The following STIM1 variants were observed in gnomAD, a reference collection of about 807,000 sequenced individuals.
STIM1 encodes stromal interaction molecule 1.
A neutral mutation model predicts 74.7 loss-of-function variants in STIM1; 25 were observed. The observed-to-expected ratio is 0.33, with a 90% CI of 0.24 to 0.47. The LOEUF (loss-of-function observed/expected upper bound fraction) is 0.47, where lower values mean the gene tolerates loss of function less well. Ranked by LOEUF, STIM1 falls within the 20% of genes least tolerant of loss-of-function variation. The pLI, the probability that STIM1 is intolerant of heterozygous loss-of-function variation, is 1.00. For missense variants in STIM1, 728 were observed against 920.8 expected (o/e 0.79, Z 2.71); for synonymous variants, 328 against 348.8 (o/e 0.94, Z 0.66).
chr11:3,861,252 G>A (rs987407616), intron 1 of STIM1, among the ~76,000 whole-genome samples: 1 of 107,138 alleles, frequency 9.3e-6, no homozygotes, highest in East Asian at 2.8e-4. Context: ...TTTTTTTTTT[G>A]AGATGGAGTC....
chr11:4,001,173 T>C (rs940844802), intron 2 of STIM1, among the ~76,000 whole-genome samples: 2 of 152,104 alleles, frequency 1.3e-5, no homozygotes, highest in Admixed American at 1.3e-4. Context: ...CAGGATATTA[T>C]CCAGGAGAAC....
intron 4 of STIM1, among the ~76,000 whole-genome samples, chr11:4,057,179 A>G (rs147234821): frequency 3.6e-3 from 543 of 152,324 alleles, no homozygotes; most frequent in Middle Eastern, 0.024. Context: ...CTTGCTACCC[A>G]TAGAAATAGC....
intron 8 of STIM1, 103 bp from the exon 9 acceptor site, chr11:4,082,779 G>C: frequency 1.1e-6 from 1 of 898,258 alleles, no homozygotes; most frequent in Non-Finnish European, 1.8e-6. Flanking sequence ...TACAGCCTCA[G>C]TTGTGCTAGG....
At chr11:3,895,995 C>T (rs1161845402) in intron 1 of STIM1, among the ~76,000 whole-genome samples, 1 of 150,852 alleles carries the variant, frequency 6.6e-6, no homozygotes, top group Non-Finnish European at 1.5e-5. Flanking sequence ...AGCTCCGCCT[C>T]CCGGGTTCAC....
chr11:3,900,049 A>T (rs1428581530), intron 1 of STIM1, among the ~76,000 whole-genome samples: 6 of 151,958 alleles, frequency 3.9e-5, no homozygotes, highest in Admixed American at 3.3e-4. Flanking sequence ...GTTAGGGAGG[A>T]TTCCCTCTTT....
chr11:4,073,048 G>GTTTT (rs56009858), intron 6 of STIM1, among the ~76,000 whole-genome samples: 8,618 of 82,670 alleles, frequency 0.1, 982 homozygotes, highest in East Asian at 0.23. Context: ...GGACTTAGAG[G>GTTTT]TTTTTTTTTT....
At chr11:3,996,286 C>G (rs2093662531) in intron 2 of STIM1, among the ~76,000 whole-genome samples, 1 of 152,116 alleles carries the variant, frequency 6.6e-6, no homozygotes, top group Admixed American at 6.5e-5. Context: ...TGGCAGTAGC[C>G]TCAGGTCTTT....
intron 1 of STIM1, among the ~76,000 whole-genome samples, chr11:3,891,160 T>A (rs538884598): frequency 1.6e-4 from 25 of 152,358 alleles, no homozygotes; most frequent in African/African-American, 5.8e-4. Flanking sequence ...ATTATTCTCA[T>A]TTTGTAGATG....
intron 1 of STIM1, among the ~76,000 whole-genome samples, chr11:3,948,947 A>G (rs1230525616): frequency 6.6e-6 from 1 of 152,254 alleles, no homozygotes; most frequent in East Asian, 1.9e-4. Context: ...AACAAAAATA[A>G]CATGGTAATA....
At chr11:3,994,739 C>T (rs949095283) in intron 2 of STIM1, among the ~76,000 whole-genome samples, 9 of 152,258 alleles carry the variant, frequency 5.9e-5, no homozygotes, top group African/African-American at 2.2e-4. Context: ...AGTCTTTCTG[C>T]TCCTTTTTCT....
At chr11:4,064,321 C>T (rs1409848281) in intron 5 of STIM1, among the ~76,000 whole-genome samples, 2 of 152,102 alleles carry the variant, frequency 1.3e-5, no homozygotes, top group Non-Finnish European at 2.9e-5. Flanking sequence ...GATCTGTGCC[C>T]CTCTAGACTT....
chr11:4,054,360 C>G (rs915443439), intron 3 of STIM1, among the ~76,000 whole-genome samples: 8 of 152,194 alleles, frequency 5.3e-5, no homozygotes, highest in Non-Finnish European at 1.2e-4. Context: ...CCTTCTTCTG[C>G]CACTACCTGC....
At chr11:4,009,071 C>A (rs2093809653) in intron 2 of STIM1, among the ~76,000 whole-genome samples, 1 of 151,038 alleles carries the variant, frequency 6.6e-6, no homozygotes, top group Admixed American at 6.6e-5. Flanking sequence ...GCGGGCAGAT[C>A]ACGAGGTCAG....
chr11:3,960,095 A>G (rs1192136255), intron 1 of STIM1, among the ~76,000 whole-genome samples: 2 of 152,252 alleles, frequency 1.3e-5, no homozygotes, highest in African/African-American at 4.8e-5. Context: ...TGCTGCATGT[A>G]GAAGTTTGAT....
chr11:3,928,588 C>T (rs182066906), intron 1 of STIM1, among the ~76,000 whole-genome samples: 184 of 151,912 alleles, frequency 1.2e-3, no homozygotes, highest in Non-Finnish European at 1.9e-3. Flanking sequence ...TAGTTTAGCC[C>T]GGGGATGTGT....
At chr11:4,039,265 C>G (rs2094128644) in intron 3 of STIM1, among the ~76,000 whole-genome samples, 1 of 151,992 alleles carries the variant, frequency 6.6e-6, no homozygotes, top group Non-Finnish European at 1.5e-5. Context: ...GTACTTCAGC[C>G]TGGGTGACAG....
intron 1 of STIM1, among the ~76,000 whole-genome samples, chr11:3,902,898 A>G (rs2092385806): frequency 6.6e-6 from 1 of 152,092 alleles, no homozygotes; most frequent in Non-Finnish European, 1.5e-5. Flanking sequence ...GTCAGAAGGG[A>G]GCTGGTGGAT....
intron 3 of STIM1, among the ~76,000 whole-genome samples, chr11:4,045,160 G>A (rs1488323353): frequency 1.3e-5 from 2 of 151,942 alleles, no homozygotes; most frequent in Non-Finnish European, 2.9e-5. Flanking sequence ...ATGTACTGCT[G>A]GCCTCAGGCC....
chr11:4,074,538 G>A lies in STIM1; in HGVS notation c.828G>A (p.Glu276=). 6.2e-7 allele frequency: 1 copy of A among 1,614,106 alleles called. No homozygotes were observed. The highest frequency in any genetic ancestry group is 1.1e-5 in the South Asian group (1 of 91,070). Reference sequence around the variant, plus strand: ...CCCAGGAGGAGCACCGCACAGTGGAGGTGGAGAAGGTCCATCTGGAAAAGA... The same window carrying A: ...CCCAGGAGGAGCACCGCACAGTGGAAGTGGAGAAGGTCCATCTGGAAAAGA... ...HKAQEEHRTV[E]VEKVHLEKKL... The change falls in exon 7 of 13, where the codon GAG becomes GAA. Residue 276 remains glutamate, a synonymous_variant. Transcript: ENST00000526596.
Sources: allele counts gnomAD v4.1 joint callset (sites outside exome capture counted in the v4.1 genomes callset), GRCh38; gene constraint gnomAD v4.1.1; transcripts MANE v1.5; gene names NCBI Gene and HGNC (gene_info 2026-07-23, HGNC 2026-07-21).